The following NAALADL2 variants were observed in gnomAD, a reference collection of about 807,000 sequenced individuals.
The protein encoded by NAALADL2 is N-acetylated alpha-linked acidic dipeptidase like 2, also known as inactive N-acetylated-alpha-linked acidic dipeptidase-like protein 2.
NAALADL2 carries 76 observed loss-of-function variants against 87.2 expected under a neutral mutation model. That is an observed-to-expected ratio of 0.87 (90% confidence interval 0.72 to 1.05). The LOEUF (loss-of-function observed/expected upper bound fraction) is 1.05, where lower values mean the gene tolerates loss of function less well. Ranked by LOEUF, NAALADL2 falls within the 50% of genes least tolerant of loss-of-function variation. NAALADL2 has a pLI of 0.00. For synonymous variants in NAALADL2, 354 were observed against 331.0 expected (o/e 1.07, Z -0.75); for missense variants, 1,089 against 945.8 (o/e 1.15, Z -1.99).
intron 2 of NAALADL2, among the ~76,000 whole-genome samples, chr3:174,581,301 C>A (rs1197054010): frequency 6.6e-6 from 1 of 151,866 alleles, no homozygotes; most frequent in Non-Finnish European, 1.5e-5. Flanking sequence ...TATATTAAGG[C>A]AGGGAAAGTA....
chr3:174,941,842 C>G (rs1265434692), intron 1 of NAALADL2, among the ~76,000 whole-genome samples: 4 of 151,686 alleles, frequency 2.6e-5, no homozygotes, highest in African/African-American at 9.7e-5. Context: ...TTTCTGTTTT[C>G]CATTTGCATG....
At chr3:175,127,133 C>T (rs1727086522) in intron 2 of NAALADL2, among the ~76,000 whole-genome samples, 1 of 152,068 alleles carries the variant, frequency 6.6e-6, no homozygotes, top group African/African-American at 2.4e-5. Context: ...ACACCGTTCA[C>T]AGGAGTGCTC....
At chr3:174,601,756 T>C (rs1334556975) in intron 2 of NAALADL2, among the ~76,000 whole-genome samples, 1 of 152,170 alleles carries the variant, frequency 6.6e-6, no homozygotes, top group Non-Finnish European at 1.5e-5. Flanking sequence ...CAATGTTTTG[T>C]TGTAGTAGTT....
intron 6 of NAALADL2, among the ~76,000 whole-genome samples, chr3:175,451,340 T>A (rs541857586): frequency 1.3e-5 from 2 of 151,910 alleles, no homozygotes; most frequent in Non-Finnish European, 2.9e-5. Context: ...AAAAAAAAAG[T>A]ATAAGGAATG....
At chr3:174,861,168 T>G (rs1167584573) in intron 1 of NAALADL2, among the ~76,000 whole-genome samples, 1 of 152,110 alleles carries the variant, frequency 6.6e-6, no homozygotes, top group Admixed American at 6.6e-5. Flanking sequence ...CATGTTTAAA[T>G]GTATCCTTGG....
intron 3 of NAALADL2, among the ~76,000 whole-genome samples, chr3:174,810,245 G>T (rs1720018266): frequency 6.6e-6 from 1 of 152,164 alleles, no homozygotes; most frequent in Admixed American, 6.5e-5. Flanking sequence ...CTGGGTAATG[G>T]ACAGAGGGTG....
At chr3:174,740,152 G>A (rs1733626446) in intron 3 of NAALADL2, among the ~76,000 whole-genome samples, 1 of 151,924 alleles carries the variant, frequency 6.6e-6, no homozygotes, top group Admixed American at 6.6e-5. Context: ...AGGTGGACAT[G>A]TAAGCAACAA....
chr3:175,424,438 A>C (rs2149135198), intron 5 of NAALADL2, among the ~76,000 whole-genome samples: 1 of 152,256 alleles, frequency 6.6e-6, no homozygotes, highest in South Asian at 2.1e-4. Flanking sequence ...TTTTTGTATA[A>C]GGTGTAAGGA....
At chr3:175,531,406 G>T (rs990977790) in intron 9 of NAALADL2, among the ~76,000 whole-genome samples, 1 of 152,144 alleles carries the variant, frequency 6.6e-6, no homozygotes, top group African/African-American at 2.4e-5. Context: ...AATTTTAGTC[G>T]TATTTATTTC....
intron 8 of NAALADL2, among the ~76,000 whole-genome samples, chr3:175,469,187 A>G (rs1387668253): frequency 6.6e-6 from 1 of 152,112 alleles, no homozygotes; most frequent in Non-Finnish European, 1.5e-5. Context: ...TTATTGGCCT[A>G]TAAAATGTAT....
At chr3:175,614,134 C>T (rs1725027037) in intron 10 of NAALADL2, among the ~76,000 whole-genome samples, 1 of 152,172 alleles carries the variant, frequency 6.6e-6, no homozygotes, top group Non-Finnish European at 1.5e-5. Context: ...CTCACCGCAA[C>T]CTCCACCTCC....
At chr3:174,983,601 T>C (rs1286292865) in intron 1 of NAALADL2, among the ~76,000 whole-genome samples, 2 of 152,152 alleles carry the variant, frequency 1.3e-5, no homozygotes, top group Non-Finnish European at 2.9e-5. Context: ...CCTCTGGCTG[T>C]GTCCTCACAT....
intron 4 of NAALADL2, among the ~76,000 whole-genome samples, chr3:175,315,500 C>T (rs1187079067): frequency 6.6e-6 from 1 of 152,058 alleles, no homozygotes; most frequent in Non-Finnish European, 1.5e-5. Flanking sequence ...TAACTTCTCT[C>T]CTGGGAATAA....
chr3:174,751,856 G>T (rs1734856334), intron 3 of NAALADL2, among the ~76,000 whole-genome samples: 1 of 123,476 alleles, frequency 8.1e-6, no homozygotes, highest in Non-Finnish European at 1.7e-5. Context: ...GATTATGTAT[G>T]TATGTGTGTG....
chr3:174,696,527 T>G (rs527786726), intron 2 of NAALADL2, among the ~76,000 whole-genome samples: 2 of 150,764 alleles, frequency 1.3e-5, no homozygotes, highest in South Asian at 4.2e-4. Context: ...TTAATTACCT[T>G]ACCTTTTTCT....
intron 3 of NAALADL2, among the ~76,000 whole-genome samples, chr3:174,778,885 G>A (rs1183894753): frequency 6.6e-6 from 1 of 151,996 alleles, no homozygotes; most frequent in Non-Finnish European, 1.5e-5. Flanking sequence ...TCATTGATAG[G>A]CATTTGTGTT....
chr3:175,391,745 T>G (rs1769102741), intron 5 of NAALADL2, among the ~76,000 whole-genome samples: 1 of 152,160 alleles, frequency 6.6e-6, no homozygotes, highest in South Asian at 2.1e-4. Flanking sequence ...TATATGGCAA[T>G]AGATAACTAA....
intron 1 of NAALADL2, among the ~76,000 whole-genome samples, chr3:175,013,147 A>ATATAAATATG (rs1750233295): frequency 8.0e-6 from 1 of 124,582 alleles, no homozygotes; most frequent in Non-Finnish European, 1.6e-5. Context: ...AATATGTAAT[A>ATATAAATATG]CATATTTATA....
At chr3:175,086,733 A>G (rs1324190659) in intron 1 of NAALADL2, among the ~76,000 whole-genome samples, 1 of 152,140 alleles carries the variant, frequency 6.6e-6, no homozygotes, top group Non-Finnish European at 1.5e-5. Flanking sequence ...ATTGCTCATT[A>G]TAGTCTTTAG....
Sources: allele counts gnomAD v4.1 joint callset (sites outside exome capture counted in the v4.1 genomes callset), GRCh38; gene constraint gnomAD v4.1.1; transcripts MANE v1.5; gene names NCBI Gene and HGNC (gene_info 2026-07-23, HGNC 2026-07-21).